The following ZNF773 variants were observed in gnomAD, a reference collection of about 807,000 sequenced individuals.
ZNF773 encodes the protein zinc finger protein 773.
A neutral mutation model predicts 12.8 loss-of-function variants in ZNF773; 11 were observed. That is an observed-to-expected ratio of 0.86 (90% confidence interval 0.54 to 1.42). ZNF773 has a LOEUF of 1.42. Ranked by LOEUF, ZNF773 falls within the 40% of genes most tolerant of loss-of-function variation. The pLI is 0.00. For synonymous variants in ZNF773, 175 were observed against 178.4 expected (o/e 0.98, Z 0.15); for missense variants, 518 against 527.2 (o/e 0.98, Z 0.17).
chr19:57,506,281 G>C, intron 3 of ZNF773, 77 bp from the exon 4 acceptor site: 1 of 1,533,838 alleles, frequency 6.5e-7, no homozygotes, highest in Non-Finnish European at 8.7e-7. Flanking sequence ...ATTACCAGGT[G>C]TGTCAGACAC....
chr19:57,503,080 G>C (rs1448100458), intron 1 of ZNF773, among the ~76,000 whole-genome samples: 1 of 152,148 alleles, frequency 6.6e-6, no homozygotes, highest in East Asian at 1.9e-4. Flanking sequence ...TTTTCAGTGG[G>C]AATAATTAAG....
chr19:57,501,954 A>C (rs1302207776), intron 1 of ZNF773, among the ~76,000 whole-genome samples: 2 of 151,988 alleles, frequency 1.3e-5, no homozygotes, highest in South Asian at 4.1e-4. Context: ...TTATTTATTT[A>C]TTTTTGAGAC....
intron 3 of ZNF773, among the ~76,000 whole-genome samples, chr19:57,505,932 A>G (rs2089726849): frequency 6.6e-6 from 1 of 152,018 alleles, no homozygotes; most frequent in African/African-American, 2.4e-5. Context: ...AATGGTCTCG[A>G]TCTCCTGACC....
rs201643468 is a variant in ZNF773 at position 57,507,395 on chromosome 19, C to G, written c.1300C>G (p.Arg434Gly). The G allele has an allele frequency of 2.2e-4, 350 of 1,607,646 alleles. No homozygotes were observed. Among genetic ancestry groups the G allele is most frequent in the Non-Finnish European group, 2.8e-4 (335 of 1,177,478 alleles). Residue 434 changes from arginine (R) to glycine (G), a missense_variant, in exon 4 of 4, where the codon CGA becomes GGA. By Grantham distance (125) the Arg-to-Gly change is moderately radical. Coordinates refer to ENST00000282292, the MANE Select transcript of ZNF773 (RefSeq NM_198542.3). ...FRHSSSLVKH[R>G]RIHTGEIQ is the part of the protein sequence containing the mutation. ...CCACAGCTCCAGTCTTGTTAAACAT[C>G]GAAGGATTCACACTGGAGAAATACA... is the stretch of plus-strand genomic sequence containing the variant.
chr19:57,512,549 G>A (rs2123284211), downstream of ZNF773, among the ~76,000 whole-genome samples: 3 of 151,736 alleles, frequency 2.0e-5, 1 homozygote, highest in South Asian at 6.2e-4. Context: ...AACTACAGGT[G>A]TGCACCACCA....
chr19:57,501,964 C>T (rs927869225), intron 1 of ZNF773, among the ~76,000 whole-genome samples: 5 of 152,046 alleles, frequency 3.3e-5, no homozygotes, highest in African/African-American at 7.2e-5. Context: ...ATTTTTGAGA[C>T]GGAATTTAGC....
chr19:57,502,131 G>A (rs1423753066), intron 1 of ZNF773, among the ~76,000 whole-genome samples: 3 of 152,188 alleles, frequency 2.0e-5, no homozygotes, highest in East Asian at 3.9e-4. Context: ...TAGTAGAGAC[G>A]GGGTTTCTCC....
chr19:57,508,332 C>T (rs1164790965), downstream of ZNF773: 2 of 678,626 alleles, frequency 2.9e-6, no homozygotes, highest in Non-Finnish European at 3.6e-6. Context: ...GTATTGGCTG[C>T]ACCAGTCGAA....
At chr19:57,502,788 T>C (rs953414694) in intron 1 of ZNF773, among the ~76,000 whole-genome samples, 1 of 152,202 alleles carries the variant, frequency 6.6e-6, no homozygotes, top group Non-Finnish European at 1.5e-5. Flanking sequence ...GCCTCCTGGT[T>C]CAAGCCATTC....
downstream of ZNF773, among the ~76,000 whole-genome samples, chr19:57,508,871 A>T (rs993623598): frequency 3.3e-5 from 5 of 152,086 alleles, no homozygotes; most frequent in Non-Finnish European, 4.4e-5. Context: ...CTGTTTTTTT[A>T]AAATATTTGG....
At chr19:57,506,287 G>A in intron 3 of ZNF773, 71 bp from the exon 4 acceptor site, 1 of 1,536,180 alleles carries the variant, frequency 6.5e-7, no homozygotes, top group South Asian at 1.3e-5. Context: ...AGGTGTGTCA[G>A]ACACGTGTGA....
At position 57,501,843 on chromosome 19, in the gene ZNF773, TCTTGGGACTC is replaced by T. The variant is rs140326854; in HGVS notation, c.33+1735_33+1744del. Reference sequence around the variant, plus strand: ...CTACATGGTCTTCAGAATTATGGTGTCTTGGGACTCCTTGCTGGCTATTCTCCCTCCCCTT... The same window carrying T: ...CTACATGGTCTTCAGAATTATGGTGTCTTGCTGGCTATTCTCCCTCCCCTT... On this transcript the variant is annotated intron_variant, in intron 1 of 3. Transcript: ENST00000282292. Among the ~76,000 whole-genome samples, 1,370 of 152,312 alleles carry T rather than the reference TCTTGGGACTC, an allele frequency of 9.0e-3. 22 individuals are homozygous for T. The highest frequency in any genetic ancestry group is 0.03 in the African/African-American group (1,261 of 41,556).
At chr19:57,501,041 A>G (rs1361644467) in intron 1 of ZNF773, among the ~76,000 whole-genome samples, 1 of 152,108 alleles carries the variant, frequency 6.6e-6, no homozygotes, top group Non-Finnish European at 1.5e-5. Flanking sequence ...TGGGTAGTAT[A>G]TAGGTTTGCC....
At chr19:57,508,711 TCATTTTAAC>T (rs144810453), downstream of ZNF773, 95,821 of 545,956 alleles carry the variant, frequency 0.18, 9,184 homozygotes, top group African/African-American at 0.25. Context: ...CATAGGCCAT[TCATTTTAAC>T]CATTTTACTA....
At chr19:57,502,152 A>G (rs1978114) in intron 1 of ZNF773, among the ~76,000 whole-genome samples, 134,943 of 152,028 alleles carry the variant, frequency 0.89, 59,895 homozygotes, top group South Asian at 0.93. Flanking sequence ...ATGTTGGTCA[A>G]GCAGGTCTCA....
In ZNF773 at chr19:57,507,154, C is replaced by G. The variant is rs751444365; in HGVS notation, c.1059C>G (p.His353Gln). ...GCCTTATCAATCATTGGCGTGTTCA[C>G]ACTGGAGAAAGGCCTTATGAGTGCA... ...KSSLINHWRV[H>Q]TGERPYECSE... Residue 353 changes from histidine to glutamine, a missense_variant, in exon 4 of 4, where the codon CAC becomes CAG. Coordinates refer to ENST00000282292, the MANE Select transcript of ZNF773 (RefSeq NM_198542.3). 2.5e-6 allele frequency: 4 copies of G among 1,614,080 alleles called. No individual in the cohort carries two copies. In the African/African-American group the frequency reaches 5.3e-5, roughly 22 times the overall value.
downstream of ZNF773, chr19:57,516,483 CAG>C (rs1216812299): frequency 6.6e-6 from 1 of 152,236 alleles, no homozygotes; most frequent in African/African-American, 2.4e-5. Flanking sequence ...CTCCCCCTGA[CAG>C]AGAGTGATTA....
rs2089648797 is a variant in ZNF773, at chr19:57,499,970, G to A, written c.-111G>A. ...GCGGCGACCAGCTCCGGAAAGCGCG[G>A]TGGGGACGCGCTGTGTTCTCGCAGC... On this transcript the variant is annotated 5_prime_UTR_variant, in exon 1 of 4. The change creates a new upstream start codon in the 5' untranslated region. Coordinates refer to ENST00000282292, the MANE Select transcript of ZNF773 (RefSeq NM_198542.3). The A allele has an allele frequency of 7.2e-7, 1 of 1,392,756 alleles. No individual in the cohort carries two copies. The highest frequency in any genetic ancestry group is 9.6e-7 in the Non-Finnish European group (1 of 1,039,388). 86.3% of individuals were successfully genotyped at this position (1,392,756 alleles called of 1,614,324 possible). A position where few individuals can be genotyped will look rare whatever the true frequency, so the allele number is the denominator to read the frequency against.
intron 1 of ZNF773, 40 bp downstream of exon 1, chr19:57,500,153 G>A (rs1476871242): frequency 1.3e-6 from 2 of 1,579,890 alleles, no homozygotes; most frequent in South Asian, 1.1e-5. Context: ...GAATCCTAAA[G>A]CCCTGTGAGG....
Sources: gnomAD v4.1 joint callset for allele counts (sites outside exome capture counted in the v4.1 genomes callset) on GRCh38, gnomAD v4.1.1 for gene constraint, MANE v1.5 for transcripts, NCBI Gene and HGNC (gene_info 2026-07-23, HGNC 2026-07-21) for gene names.